NALF1: variants seen among roughly 807,000 people sequenced by gnomAD.
The protein encoded by NALF1 is NALCN channel auxiliary factor 1, also known as family with sequence similarity 155 member A.
A neutral mutation model predicts 48.4 loss-of-function variants in NALF1; 3 were observed. That is an observed-to-expected ratio of 0.06 (90% CI 0.03 to 0.16). NALF1 has a LOEUF of 0.16. NALF1 is among the 10% of genes least tolerant of loss of function. The pLI is 1.00. For synonymous variants in NALF1, 262 were observed against 245.7 expected (o/e 1.07, Z -0.62); for missense variants, 526 against 571.5 (o/e 0.92, Z 0.81).
chr13:107,334,247 C>T (rs964315972), intron 1 of NALF1, among the ~76,000 whole-genome samples: 1 of 152,122 alleles, frequency 6.6e-6, no homozygotes, highest in Non-Finnish European at 1.5e-5. Flanking sequence ...GGGTGCTCTT[C>T]CTAAACAGAA....
chr13:107,619,378 T>C (rs1003840589), intron 1 of NALF1, among the ~76,000 whole-genome samples: 1 of 152,178 alleles, frequency 6.6e-6, no homozygotes, highest in African/African-American at 2.4e-5. Flanking sequence ...AGCCTTTTGA[T>C]AAATCAAGAA....
At chr13:107,209,581 A>C (rs1879716731) in intron 2 of NALF1, among the ~76,000 whole-genome samples, 2 of 152,172 alleles carry the variant, frequency 1.3e-5, no homozygotes, top group Non-Finnish European at 2.9e-5. Flanking sequence ...ATCACTTAGA[A>C]CACTGTGGCT....
intron 1 of NALF1, among the ~76,000 whole-genome samples, chr13:107,757,415 CTTTTTTT>C (rs3074821): frequency 1.9e-5 from 2 of 107,934 alleles, no homozygotes; most frequent in Admixed American, 9.6e-5. Flanking sequence ...GCCCTCATTT[CTTTTTTT>C]TTTTTTTTTT....
chr13:107,655,757 C>A (rs1880559178), intron 1 of NALF1, among the ~76,000 whole-genome samples: 1 of 151,926 alleles, frequency 6.6e-6, no homozygotes, highest in African/African-American at 2.4e-5. Flanking sequence ...TGATTTCAAA[C>A]TATACTATAA....
chr13:107,165,311 T>G lies in NALF1; in HGVS notation c.*5186A>C, dbSNP rs1878635676. 1 of 152,140 alleles carries G rather than the reference T, an allele frequency of 6.6e-6. No homozygotes were observed. Among genetic ancestry groups the G allele is most frequent in the Non-Finnish European group, 1.5e-5 (1 of 68,030 alleles). 9.4% of individuals were successfully genotyped at this position (152,140 alleles called of 1,614,324 possible). A position where few individuals can be genotyped will look rare whatever the true frequency, so the allele number is the denominator to read the frequency against. ...AAGATTGAGTGATTCTACAAATATC[T>G]TGGAGTATGAAGAAAATCCATTCAA... On this transcript the variant is annotated 3_prime_UTR_variant, in exon 3 of 3. Coordinates refer to ENST00000375915, the MANE Select transcript of NALF1 (RefSeq NM_001080396.3).
intron 1 of NALF1, among the ~76,000 whole-genome samples, chr13:107,791,826 G>A (rs745720263): frequency 5.8e-4 from 88 of 151,754 alleles, no homozygotes; most frequent in Non-Finnish European, 8.5e-4. Context: ...CAAGAGTGGT[G>A]GCGGGTACCT....
chr13:107,348,555 T>C (rs1882815135), intron 1 of NALF1, among the ~76,000 whole-genome samples: 1 of 152,148 alleles, frequency 6.6e-6, no homozygotes, highest in South Asian at 2.1e-4. Flanking sequence ...TTAAGCTCCA[T>C]ATGCATTAGG....
intron 1 of NALF1, among the ~76,000 whole-genome samples, chr13:107,569,438 C>G (rs1458689126): frequency 1.3e-5 from 2 of 151,904 alleles, no homozygotes; most frequent in African/African-American, 2.4e-5. Flanking sequence ...CGCCACCGCA[C>G]TCCAGCCTGG....
intron 1 of NALF1, among the ~76,000 whole-genome samples, chr13:107,312,993 C>A (rs189866399): frequency 6.6e-6 from 1 of 152,132 alleles, no homozygotes; most frequent in Admixed American, 6.5e-5. Flanking sequence ...AAACTGTCAA[C>A]ATGACATAAA....
intron 1 of NALF1, among the ~76,000 whole-genome samples, chr13:107,517,186 T>G (rs150429511): frequency 6.6e-6 from 1 of 152,294 alleles, no homozygotes; most frequent in Non-Finnish European, 1.5e-5. Flanking sequence ...GTACAAAACC[T>G]ATTGAAAATA....
chr13:107,240,296 G>A (rs1880440315), intron 1 of NALF1, among the ~76,000 whole-genome samples: 1 of 152,152 alleles, frequency 6.6e-6, no homozygotes, highest in East Asian at 1.9e-4. Flanking sequence ...TTTGAATTAG[G>A]ACTTCCCAGC....
intron 1 of NALF1, among the ~76,000 whole-genome samples, chr13:107,791,783 C>G (rs571751648): frequency 4.0e-5 from 6 of 151,454 alleles, no homozygotes; most frequent in Non-Finnish European, 8.8e-5. Flanking sequence ...ATCCCCGCCC[C>G]CCCCCGTCTC....
intron 1 of NALF1, among the ~76,000 whole-genome samples, chr13:107,252,534 CAG>C (rs1880724848): frequency 6.6e-6 from 1 of 151,882 alleles, no homozygotes; most frequent in African/African-American, 2.4e-5. Context: ...AGACAGAAGA[CAG>C]AGAAGGAAGG....
chr13:107,713,494 T>C (rs1452313718), intron 1 of NALF1, among the ~76,000 whole-genome samples: 1 of 152,196 alleles, frequency 6.6e-6, no homozygotes, highest in African/African-American at 2.4e-5. Context: ...AATAGCATTG[T>C]ATGGTGGACA....
At chr13:107,736,621 T>C (rs896544302) in intron 1 of NALF1, among the ~76,000 whole-genome samples, 1 of 152,218 alleles carries the variant, frequency 6.6e-6, no homozygotes, top group African/African-American at 2.4e-5. Flanking sequence ...TTGGGTGTTA[T>C]ATTAGCATTC....
intron 2 of NALF1, among the ~76,000 whole-genome samples, chr13:107,202,602 T>A (rs1476786462): frequency 6.6e-6 from 1 of 152,180 alleles, no homozygotes; most frequent in Non-Finnish European, 1.5e-5. Flanking sequence ...CTGAGAACAA[T>A]GACCTAGACA....
At chr13:107,386,521 G>A (rs935491508) in intron 1 of NALF1, among the ~76,000 whole-genome samples, 3 of 152,082 alleles carry the variant, frequency 2.0e-5, no homozygotes, top group Admixed American at 1.3e-4. Flanking sequence ...AAGAGTCTTC[G>A]AAATCCCTAA....
chr13:107,617,166 C>G (rs1425008248), intron 1 of NALF1, among the ~76,000 whole-genome samples: 1 of 152,106 alleles, frequency 6.6e-6, no homozygotes, highest in Non-Finnish European at 1.5e-5. Flanking sequence ...TAAATTGGAA[C>G]ATATTCATAT....
At chr13:107,358,664 CAGAAG>C (rs1294109035) in intron 1 of NALF1, among the ~76,000 whole-genome samples, 1 of 152,152 alleles carries the variant, frequency 6.6e-6, no homozygotes, top group East Asian at 1.9e-4. Flanking sequence ...CTGCCATCAT[CAGAAG>C]AGTAAACTCT....
Sources: gnomAD v4.1 joint callset for allele counts (sites outside exome capture counted in the v4.1 genomes callset) on GRCh38, gnomAD v4.1.1 for gene constraint, MANE v1.5 for transcripts, NCBI Gene and HGNC (gene_info 2026-07-23, HGNC 2026-07-21) for gene names.